ZNF620: variants seen among roughly 807,000 people sequenced by gnomAD.
The protein encoded by ZNF620 is zinc finger protein 620.
ZNF620 carries 10 observed loss-of-function variants against 13.3 expected under a neutral mutation model. The observed-to-expected ratio is 0.75, with a 90% CI of 0.46 to 1.28. The LOEUF (loss-of-function observed/expected upper bound fraction) is 1.28. Among genes scored for constraint, ZNF620 ranks in the 50% most tolerant of loss-of-function variants. The probability of loss-of-function intolerance (pLI) is 0.00; values close to 1 mark genes in which losing one functional copy is unlikely to be tolerated. For synonymous variants in ZNF620, 166 were observed against 177.6 expected (o/e 0.93, Z 0.52); for missense variants, 461 against 500.2 (o/e 0.92, Z 0.75).
Position 40,516,750 on chromosome 3 carries a change from C to T in ZNF620, c.1156C>T (p.His386Tyr). The part of the protein sequence containing the change: ...KITLIQHQRV[H>Y]TGEKPYECKV... Reference sequence around the variant, plus strand: ...AACCCTGATTCAGCACCAGCGAGTTCACACTGGCGAGAAACCTTATGAGTG... The same window carrying T: ...AACCCTGATTCAGCACCAGCGAGTTTACACTGGCGAGAAACCTTATGAGTG... Residue 386 changes from histidine to tyrosine, a missense_variant, in exon 5 of 5, where the codon CAC (histidine) becomes TAC (tyrosine). His to Tyr is a moderately conservative substitution (Grantham distance 83). Coordinates refer to ENST00000314529, the MANE Select transcript of ZNF620 (RefSeq NM_175888.4). The T allele has an allele frequency of 6.2e-7, 1 of 1,614,198 alleles. No homozygotes were observed. The highest frequency in any genetic ancestry group is 8.5e-7 in the Non-Finnish European group (1 of 1,180,040).
intron 2 of ZNF620, among the ~76,000 whole-genome samples, chr3:40,511,125 TTATTCACTGTGTTTA>T (rs746819275): frequency 1.4e-3 from 209 of 152,270 alleles, no homozygotes; most frequent in Non-Finnish European, 2.3e-3. Context: ...TACAAAAGTG[TTATTCACTGTGTTTA>T]TACAGATGTC....
chr3:40,513,668 C>T (rs1698280394), intron 4 of ZNF620, among the ~76,000 whole-genome samples: 1 of 150,716 alleles, frequency 6.6e-6, no homozygotes, highest in South Asian at 2.1e-4. Flanking sequence ...ACAAGCTGTT[C>T]CAGTATAATA....
intron 4 of ZNF620, 42 bp from the exon 5 acceptor site, chr3:40,515,818 G>A: frequency 7.3e-7 from 1 of 1,367,662 alleles, no homozygotes; most frequent in Non-Finnish European, 1.0e-6. Context: ...GTGTGTGTGT[G>A]TGATATCAGG....
chr3:40,515,507 C>G (rs1698344167), intron 4 of ZNF620, among the ~76,000 whole-genome samples: 1 of 152,142 alleles, frequency 6.6e-6, no homozygotes, highest in South Asian at 2.1e-4. Context: ...CCATTTGTTA[C>G]TTTTTTTATG....
chr3:40,511,682 T>C (rs879179152), intron 3 of ZNF620, 86 bp downstream of exon 3: 3 of 1,530,200 alleles, frequency 2.0e-6, no homozygotes, highest in East Asian at 2.3e-5. Flanking sequence ...GTTTTTTTCT[T>C]TTTTTCTTTT....
chr3:40,514,862 C>A (rs973032234), intron 4 of ZNF620, among the ~76,000 whole-genome samples: 1 of 152,182 alleles, frequency 6.6e-6, no homozygotes, highest in Admixed American at 6.5e-5. Flanking sequence ...TTTCTGTGCT[C>A]TTCTGCAGAG....
chr3:40,518,417 G>A lies in ZNF620; in HGVS notation c.*1554G>A, dbSNP rs866531933. The A allele has an allele frequency of 6.6e-6, 1 of 152,160 alleles. No individual in the cohort carries two copies. Among genetic ancestry groups the A allele is most frequent in the Admixed American group, 6.5e-5 (1 of 15,274 alleles). The allele number at this position is 152,160 out of a possible 1,614,324, so 9.4% of individuals were successfully genotyped here. ...TATTTGTAGAAGTGTTTCAAACAGT[G>A]ACTACATATAATAAAAGTATTACCT... On this transcript the variant is annotated 3_prime_UTR_variant, in exon 5 of 5. Coordinates refer to ENST00000314529, the MANE Select transcript of ZNF620 (RefSeq NM_175888.4).
At position 40,516,112 on chromosome 3, in the gene ZNF620, T is replaced by G. The variant is rs778369810; in HGVS notation, c.518T>G (p.Leu173Ter). Residue 173 changes from leucine (L) to a stop codon, truncating the protein, a stop_gained, in exon 5 of 5, where the codon TTA becomes TGA. Transcript: ENST00000314529. LOFTEE classifies it low-confidence loss of function (END_TRUNC). ...EVKNGEKFEK[L>*]GKNISVSTQL... ...AAGAATGGAGAGAAGTTTGAGAAAT[T>G]AGGAAAAAATATTAGCGTCAGCACA... 7.4e-6 allele frequency: 12 copies of G among 1,613,934 alleles called. No individual in the cohort carries two copies. The Admixed American group carries it at 1.7e-4, about 22-fold the overall frequency.
In ZNF620 at chr3:40,512,516, G is replaced by A; in HGVS notation, c.265+1G>A. The A allele has an allele frequency of 6.3e-7, 1 of 1,595,072 alleles. No individual in the cohort carries two copies. Among genetic ancestry groups the A allele is most frequent in the Non-Finnish European group, 8.5e-7 (1 of 1,173,168 alleles). On this transcript the variant is annotated splice_donor_variant, in intron 4 of 4. Transcript: ENST00000314529. LOFTEE classifies it high-confidence loss of function. ...GAGGCTCTCAGAGGTATCTGTCCAG[G>A]TGAGCATGAGAACCCACTAGCTGCC...
Position 40,511,466 on chromosome 3 carries a change from T to C in ZNF620, c.25-4T>C. The C allele has an allele frequency of 6.2e-7, 1 of 1,612,714 alleles. No individual in the cohort carries two copies. Among genetic ancestry groups the C allele is most frequent in the Non-Finnish European group, 8.5e-7 (1 of 1,179,128 alleles). The stretch of plus-strand genomic sequence containing the variant: ...AGGGTTTGAGCAGGAACTTGTTGTT[T>C]TAGGAACCAGTGACCTTTGAGGATG... On this transcript the variant is annotated splice_region_variant and splice_polypyrimidine_tract_variant and intron_variant, in intron 2 of 4. Transcript: ENST00000314529.
intron 4 of ZNF620, among the ~76,000 whole-genome samples, chr3:40,515,516 T>C (rs1159309995): frequency 6.6e-6 from 1 of 152,236 alleles, no homozygotes; most frequent in Non-Finnish European, 1.5e-5. Flanking sequence ...ACTTTTTTTA[T>C]GTTTGCATCT....
chr3:40,512,955 A>G (rs1698245248), intron 4 of ZNF620, among the ~76,000 whole-genome samples: 1 of 152,204 alleles, frequency 6.6e-6, no homozygotes, highest in Admixed American at 6.5e-5. Flanking sequence ...ACTGACTTAA[A>G]GAATAAAAAG....
intron 4 of ZNF620, among the ~76,000 whole-genome samples, chr3:40,513,727 TATG>T (rs1048547884): frequency 5.9e-5 from 9 of 152,016 alleles, no homozygotes; most frequent in Admixed American, 5.9e-4. Context: ...AGATTATAGA[TATG>T]ATTATATATT....
chr3:40,515,944 G>A lies in ZNF620; in HGVS notation c.350G>A (p.Gly117Glu). The A allele has an allele frequency of 6.2e-7, 1 of 1,614,100 alleles. No individual in the cohort carries two copies. The highest frequency in any genetic ancestry group is 8.5e-7 in the Non-Finnish European group (1 of 1,180,014). The change falls in exon 5 of 5, where the codon GGG (glycine) becomes GAG (glutamate). Residue 117 changes from glycine (G) to glutamate (E), a missense_variant. Gly to Glu is a moderately conservative substitution (Grantham distance 98). Transcript: ENST00000314529. The part of the protein sequence containing the change: ...KETESFRLMV[G>E]GLPGNVSQHL... The stretch of plus-strand genomic sequence containing the variant: ...ACAGAGTCCTTCAGACTGATGGTGG[G>A]GGGCCTGCCAGGGAATGTTTCCCAG...
intron 2 of ZNF620, among the ~76,000 whole-genome samples, chr3:40,510,243 G>C (rs922880276): frequency 6.6e-6 from 1 of 152,064 alleles, no homozygotes; most frequent in African/African-American, 2.4e-5. Context: ...GAACTTCTGA[G>C]CTGAAGCAAT....
Position 40,516,426 on chromosome 3 carries a change from A to G in ZNF620, c.832A>G (p.Lys278Glu). ...GCATCAGAGAATCCACACTGGAGAAAAGCCCTATGAATGTAAGGAGTGCGG... is the reference window on the plus strand; with the variant it reads ...GCATCAGAGAATCCACACTGGAGAAGAGCCCTATGAATGTAAGGAGTGCGG... ...IQHQRIHTGEKPYECKECGKA... is the reference protein window; with the variant it reads ...IQHQRIHTGEEPYECKECGKA... The change falls in exon 5 of 5, where the codon AAG becomes GAG. Residue 278 changes from lysine to glutamate, a missense_variant. Transcript: ENST00000314529. 1 of 1,614,248 alleles carries G rather than the reference A, an allele frequency of 6.2e-7. No individual in the cohort carries two copies. The highest frequency in any genetic ancestry group is 8.5e-7 in the Non-Finnish European group (1 of 1,180,044).
Position 40,516,041 on chromosome 3 carries a change from A to T in ZNF620, c.447A>T (p.Arg149Ser). 1 of 1,614,176 alleles carries T rather than the reference A, an allele frequency of 6.2e-7. No individual in the cohort carries two copies. The highest frequency in any genetic ancestry group is 2.2e-5 in the East Asian group (1 of 44,884). Reference sequence around the variant, plus strand: ...TAATTAAGACAAAGTCAAAGAGGAGACATTTCACAGATACCTCAGCCAGGC... The same window carrying T: ...TAATTAAGACAAAGTCAAAGAGGAGTCATTTCACAGATACCTCAGCCAGGC... The part of the protein sequence containing the change: ...HWIIKTKSKR[R>S]HFTDTSARHH... Residue 149 changes from arginine to serine, a missense_variant, in exon 5 of 5, where the codon AGA becomes AGT. Transcript: ENST00000314529.
chr3:40,512,214 G>A (rs911565435), intron 3 of ZNF620, among the ~76,000 whole-genome samples, 188 bp from the exon 4 acceptor site: 2 of 152,194 alleles, frequency 1.3e-5, no homozygotes, highest in Non-Finnish European at 2.9e-5. Flanking sequence ...TTATGTGAGC[G>A]TGGGATTATT....
At chr3:40,511,331 A>G in intron 2 of ZNF620, 139 bp from the exon 3 acceptor site, 1 of 1,202,782 alleles carries the variant, frequency 8.3e-7, no homozygotes, top group Non-Finnish European at 1.2e-6. Context: ...GCGGGCAAAG[A>G]TGGCTGAGGG....
Sources: allele counts gnomAD v4.1 joint callset (sites outside exome capture counted in the v4.1 genomes callset), GRCh38; gene constraint gnomAD v4.1.1; transcripts MANE v1.5; gene names NCBI Gene and HGNC (gene_info 2026-07-23, HGNC 2026-07-21).